Variants in PSIP1 observed in about 807,000 individuals in gnomAD.
PSIP1 encodes PC4 and SFRS1-interacting protein.
A neutral mutation model predicts 74.7 loss-of-function variants in PSIP1; 19 were observed. That is an observed-to-expected ratio of 0.25 (90% confidence interval 0.18 to 0.37). PSIP1 has a LOEUF of 0.37. Ranked by LOEUF, PSIP1 falls within the 10% of genes least tolerant of loss-of-function variation. The pLI is 1.00. For missense variants in PSIP1, 601 were observed against 614.3 expected (o/e 0.98, Z 0.23); for synonymous variants, 222 against 195.3 (o/e 1.14, Z -1.14).
In PSIP1 at chr9:15,471,125, T is replaced by C. The variant is rs1222241124; in HGVS notation, c.978-1132A>G. The stretch of plus-strand genomic sequence containing the variant: ...AGTCCAATGAGTCTGTATCAAGATC[T>C]TCATCTCTTGTTTGCTCCACTTGTA... On this transcript the variant is annotated intron_variant, in intron 10 of 15. Coordinates refer to ENST00000380733, the MANE Select transcript of PSIP1 (RefSeq NM_033222.5). The C allele has an allele frequency of 2.5e-6, 4 of 1,601,596 alleles. No homozygotes were observed. In the African/African-American group the frequency reaches 5.4e-5, roughly 22 times the overall value.
chr9:15,490,531 A>T (rs2036779404), intron 3 of PSIP1, among the ~76,000 whole-genome samples: 2 of 151,900 alleles, frequency 1.3e-5, no homozygotes, highest in Admixed American at 1.3e-4. Context: ...AAAAATACAA[A>T]AATTAGCCGG....
At position 15,471,079 on chromosome 9, in the gene PSIP1, A is replaced by G. The variant is rs765984537; in HGVS notation, c.978-1086T>C. Reference sequence around the variant, plus strand: ...TAGAATCTGGAACATTCTTCCATCAATGGGGGGAAGGGGGAAATTCAGTCC... The same window carrying G: ...TAGAATCTGGAACATTCTTCCATCAGTGGGGGGAAGGGGGAAATTCAGTCC... On this transcript the variant is annotated intron_variant, in intron 10 of 15. Transcript: ENST00000380733. 12 of 1,518,462 alleles carry G rather than the reference A, an allele frequency of 7.9e-6. No individual in the cohort carries two copies. The South Asian group carries it at 1.0e-4, about 13-fold the overall frequency. 94.1% of individuals were successfully genotyped at this position (1,518,462 alleles called of 1,614,324 possible).
intron 8 of PSIP1, among the ~76,000 whole-genome samples, chr9:15,476,522 T>C (rs2036086913): frequency 1.3e-5 from 2 of 152,288 alleles, no homozygotes; most frequent in Admixed American, 1.3e-4. Context: ...CAAGTGAGGA[T>C]GTAGGACTTT....
intron 8 of PSIP1, among the ~76,000 whole-genome samples, chr9:15,475,926 A>T (rs1274097054): frequency 6.6e-6 from 1 of 152,170 alleles, no homozygotes; most frequent in Non-Finnish European, 1.5e-5. Flanking sequence ...ACACAACCCT[A>T]AGAGCTTCAG....
At chr9:15,471,444 G>A (rs752609748) in intron 10 of PSIP1, 17 of 1,433,972 alleles carry the variant, frequency 1.2e-5, no homozygotes, top group Non-Finnish European at 1.3e-5. Context: ...TACTAAAGAA[G>A]GGTTGGGCTA....
rs1376634430 is a variant in PSIP1 at position 15,510,926 on chromosome 9, G to C, written c.-251C>G. Reference sequence around the variant, plus strand: ...GCCGCAGAGGCGTCTCAACGGCTCGGAATCGCAACCGCGCCGCCGCTGCCG... The same window carrying C: ...GCCGCAGAGGCGTCTCAACGGCTCGCAATCGCAACCGCGCCGCCGCTGCCG... On this transcript the variant is annotated 5_prime_UTR_variant, in exon 1 of 16. Transcript: ENST00000380733. 6.5e-6 allele frequency: 1 copy of C among 153,080 alleles called. No individual in the cohort carries two copies. Among genetic ancestry groups the C allele is most frequent in the Non-Finnish European group, 1.5e-5 (1 of 68,490 alleles). The allele number at this position is 153,080 out of a possible 1,614,324, so 9.5% of individuals were successfully genotyped here. A position where few individuals can be genotyped will look rare whatever the true frequency, so the allele number is the denominator to read the frequency against.
chr9:15,502,239 A>G (rs756711182), intron 3 of PSIP1, among the ~76,000 whole-genome samples: 4 of 152,182 alleles, frequency 2.6e-5, no homozygotes, highest in African/African-American at 9.7e-5. Flanking sequence ...TGTAAATGCT[A>G]TATAGTTGTT....
At chr9:15,483,519 A>C (rs2036428040) in intron 6 of PSIP1, among the ~76,000 whole-genome samples, 1 of 152,138 alleles carries the variant, frequency 6.6e-6, no homozygotes, top group Admixed American at 6.5e-5. Context: ...TCTGTTGCCA[A>C]CTCATTAACT....
intron 6 of PSIP1, among the ~76,000 whole-genome samples, chr9:15,481,112 A>G (rs1442229690): frequency 6.6e-6 from 1 of 152,162 alleles, no homozygotes; most frequent in East Asian, 1.9e-4. Flanking sequence ...CTCCCTGAAC[A>G]TTATTAGCTC....
At chr9:15,479,772 G>A (rs980059207) in intron 6 of PSIP1, 85 bp from the exon 7 acceptor site, 5 of 1,014,010 alleles carry the variant, frequency 4.9e-6, no homozygotes, top group Non-Finnish European at 7.5e-6. Flanking sequence ...GCCAGTCTAT[G>A]GTAACGTTGA....
chr9:15,478,573 A>T (rs1459672964), intron 7 of PSIP1, 21 bp from the exon 8 acceptor site: 2 of 1,497,148 alleles, frequency 1.3e-6, no homozygotes, highest in Admixed American at 3.3e-5. Context: ...CATGGAAAAA[A>T]AATCAGTAAC....
Position 15,472,658 on chromosome 9 carries a change from C to A in PSIP1, c.951G>T (p.Lys317Asn), listed in dbSNP as rs752679747. ...GCTCAGTTTCCATTTGTTCCTCTTG[C>A]TTGCGTTTTCGATCTGCTGCTTCTT... Reference protein sequence around the residue: ...HEKEAADRKRKQEEQMETEQQ... With the variant: ...HEKEAADRKRNQEEQMETEQQ... The change falls in exon 10 of 16, where the codon AAG becomes AAT. Residue 317 changes from lysine to asparagine, a missense_variant. By Grantham distance (94) the Lys-to-Asn change is moderately conservative (BLOSUM62 0). This residue lies in a region of PSIP1 where 538 missense variants were observed against 507.6 expected (regional missense o/e 1.06). Transcript: ENST00000380733. 4 of 1,604,394 alleles carry A rather than the reference C, an allele frequency of 2.5e-6. No homozygotes were observed. The South Asian group carries it at 4.5e-5, about 18-fold the overall frequency.
In PSIP1 at chr9:15,468,975, C is replaced by T; in HGVS notation, c.1188G>A (p.Met396Ile). 6.2e-7 allele frequency: 1 copy of T among 1,613,808 alleles called. No individual in the cohort carries two copies. Among genetic ancestry groups the T allele is most frequent in the Non-Finnish European group, 8.5e-7 (1 of 1,179,894 alleles). Residue 396 changes from methionine to isoleucine, a missense_variant, in exon 13 of 16, where the codon ATG (methionine) becomes ATA (isoleucine). By Grantham distance (10) the Met-to-Ile change is conservative. This residue lies in a region of PSIP1 where 538 missense variants were observed against 507.6 expected (regional missense o/e 1.06). Coordinates refer to ENST00000380733, the MANE Select transcript of PSIP1 (RefSeq NM_033222.5). The part of the protein sequence containing the change: ...TMQQAQKHTE[M>I]ITTLKKIRRF... ...CACTTACTTTTTTCAGTGTAGTAAT[C>T]ATCTCTGTGTGTTTCTGAGCTTGTT...
intron 3 of PSIP1, among the ~76,000 whole-genome samples, chr9:15,497,493 C>T (rs968879387): frequency 6.6e-6 from 1 of 151,784 alleles, no homozygotes; most frequent in African/African-American, 2.4e-5. Flanking sequence ...CGCCTGGCTA[C>T]TTTTTATATT....
In PSIP1 at chr9:15,464,789, A is replaced by C. The variant is rs1563860831; in HGVS notation, c.*731T>G. On this transcript the variant is annotated 3_prime_UTR_variant, in exon 16 of 16. Transcript: ENST00000380733. ...CCTAAAGCCAGATTCATTCCTATAT[A>C]TACCCAGTCAGTTGTCTGCAAAGAA... is the stretch of plus-strand genomic sequence containing the variant. The C allele has an allele frequency of 4.8e-6, 1 of 206,392 alleles. No individual in the cohort carries two copies. Among genetic ancestry groups the C allele is most frequent in the Non-Finnish European group, 9.9e-6 (1 of 101,028 alleles). The allele number at this position is 206,392 out of a possible 1,614,324, so 12.8% of individuals were successfully genotyped here.
chr9:15,509,435 C>T (rs1423149159), intron 2 of PSIP1, among the ~76,000 whole-genome samples: 1 of 152,190 alleles, frequency 6.6e-6, no homozygotes, highest in Non-Finnish European at 1.5e-5. Flanking sequence ...TTCTCTGTAC[C>T]ACTAGATGTG....
At chr9:15,491,123 C>G (rs565840016) in intron 3 of PSIP1, among the ~76,000 whole-genome samples, 3 of 152,310 alleles carry the variant, frequency 2.0e-5, no homozygotes, top group African/African-American at 7.2e-5. Flanking sequence ...TTATTTAATA[C>G]AGACTGCTAA....
intron 2 of PSIP1, among the ~76,000 whole-genome samples, chr9:15,508,180 T>C (rs1371377946): frequency 6.6e-6 from 1 of 152,240 alleles, no homozygotes; most frequent in Non-Finnish European, 1.5e-5. Context: ...GTTTGGGACA[T>C]GTAGACAGAA....
chr9:15,468,392 C>G (rs972514114), intron 14 of PSIP1: 3 of 711,400 alleles, frequency 4.2e-6, no homozygotes, highest in African/African-American at 3.5e-5. Flanking sequence ...CCAGAGTCAT[C>G]TGCCTCATGA....
Sources: allele counts gnomAD v4.1 joint callset (sites outside exome capture counted in the v4.1 genomes callset), GRCh38; gene constraint gnomAD v4.1.1; regional missense constraint gnomAD v4.1.1; transcripts MANE v1.5; gene names NCBI Gene and HGNC (gene_info 2026-07-23, HGNC 2026-07-21).